Variants in LUZP2 observed in about 807,000 individuals in gnomAD.
LUZP2 encodes the protein leucine zipper protein 2.
Under a neutral mutation model 51.6 loss-of-function variants are expected in LUZP2, and 52 were observed. The ratio of observed to expected loss-of-function variants is 1.01; its 90% CI spans 0.81 to 1.27. The LOEUF (loss-of-function observed/expected upper bound fraction) is 1.27. Ranked by LOEUF, LUZP2 falls within the 50% of genes most tolerant of loss-of-function variation. The probability of loss-of-function intolerance (pLI) is 0.00; values close to 1 mark genes in which losing one functional copy is unlikely to be tolerated. For synonymous variants in LUZP2, 154 were observed against 137.3 expected (o/e 1.12, Z -0.85); for missense variants, 436 against 395.4 (o/e 1.10, Z -0.87).
chr11:24,818,368 C>T (rs1376699405), intron 5 of LUZP2, among the ~76,000 whole-genome samples: 1 of 152,002 alleles, frequency 6.6e-6, no homozygotes, highest in African/African-American at 2.4e-5. Flanking sequence ...TATTTTGTTT[C>T]TGTACCATAG....
At chr11:24,990,032 A>G (rs1003578337) in intron 9 of LUZP2, among the ~76,000 whole-genome samples, 3 of 152,074 alleles carry the variant, frequency 2.0e-5, no homozygotes, top group African/African-American at 7.2e-5. Flanking sequence ...ATATTGCCAC[A>G]TATTCTCTGA....
chr11:24,653,583 C>T (rs1158015950), intron 1 of LUZP2, among the ~76,000 whole-genome samples: 1 of 152,038 alleles, frequency 6.6e-6, no homozygotes, highest in Non-Finnish European at 1.5e-5. Flanking sequence ...GCATTTATAG[C>T]CCATGAGATT....
intron 5 of LUZP2, among the ~76,000 whole-genome samples, chr11:24,778,357 G>A (rs2716541): frequency 0.8 from 122,173 of 152,122 alleles, 49,167 homozygotes; most frequent in East Asian, 0.86. Flanking sequence ...TGAGACCACA[G>A]TGAGTTGTGG....
chr11:25,043,124 C>T (rs547062104), intron 9 of LUZP2, among the ~76,000 whole-genome samples: 6 of 152,166 alleles, frequency 3.9e-5, no homozygotes, highest in South Asian at 2.1e-4. Context: ...CCTCGATTTG[C>T]GATTTCTAGC....
At chr11:24,513,467 A>T (rs989690830) in intron 1 of LUZP2, among the ~76,000 whole-genome samples, 2 of 152,176 alleles carry the variant, frequency 1.3e-5, no homozygotes, top group Non-Finnish European at 2.9e-5. Context: ...GTCTTAAACT[A>T]TTTTCAGATA....
chr11:24,904,666 G>T (rs559085731), intron 5 of LUZP2, among the ~76,000 whole-genome samples: 1 of 152,196 alleles, frequency 6.6e-6, no homozygotes. Context: ...AGTAACCTTT[G>T]TCAGCTGAGT....
At chr11:24,733,931 T>C (rs1204919694) in intron 3 of LUZP2, among the ~76,000 whole-genome samples, 1 of 151,484 alleles carries the variant, frequency 6.6e-6, no homozygotes, top group Non-Finnish European at 1.5e-5. Context: ...TTTGAGAAGA[T>C]TAGAAAATAA....
At chr11:24,622,296 A>G (rs1414388941) in intron 1 of LUZP2, among the ~76,000 whole-genome samples, 1 of 149,258 alleles carries the variant, frequency 6.7e-6, no homozygotes, top group Non-Finnish European at 1.5e-5. Flanking sequence ...TCCCCACAAC[A>G]GGCCCCAGTG....
At chr11:24,612,342 G>C (rs1403499859) in intron 1 of LUZP2, among the ~76,000 whole-genome samples, 1 of 152,084 alleles carries the variant, frequency 6.6e-6, no homozygotes, top group Non-Finnish European at 1.5e-5. Context: ...ATTTGTGGTA[G>C]AGGAATAAAA....
intron 5 of LUZP2, among the ~76,000 whole-genome samples, chr11:24,869,668 T>C (rs1244108640): frequency 6.6e-6 from 1 of 152,100 alleles, no homozygotes; most frequent in Admixed American, 6.6e-5. Context: ...ATTGTAAATG[T>C]TTTGGGGAGC....
chr11:24,757,006 A>G (rs981174187), intron 4 of LUZP2, among the ~76,000 whole-genome samples: 1 of 152,208 alleles, frequency 6.6e-6, no homozygotes, highest in Non-Finnish European at 1.5e-5. Flanking sequence ...TAAAAAGTAT[A>G]CGAAGAGATA....
chr11:24,772,486 A>G (rs1848773533), intron 5 of LUZP2, among the ~76,000 whole-genome samples: 1 of 152,182 alleles, frequency 6.6e-6, no homozygotes, highest in Non-Finnish European at 1.5e-5. Context: ...TAAGATATTT[A>G]ATTATAACTT....
intron 9 of LUZP2, among the ~76,000 whole-genome samples, chr11:25,014,768 G>C (rs1249359514): frequency 1.2e-4 from 18 of 152,094 alleles, no homozygotes; most frequent in East Asian, 1.9e-4. Context: ...GATCCCATTT[G>C]TCAATTTTGG....
intron 7 of LUZP2, among the ~76,000 whole-genome samples, chr11:24,934,265 G>C (rs1031482535): frequency 6.6e-6 from 1 of 152,256 alleles, no homozygotes; most frequent in Non-Finnish European, 1.5e-5. Flanking sequence ...GCTTGGGCTC[G>C]GAGGCCTGAC....
chr11:24,759,339 T>A (rs867363927), intron 4 of LUZP2, among the ~76,000 whole-genome samples: 23 of 152,308 alleles, frequency 1.5e-4, no homozygotes, highest in Middle Eastern at 3.4e-3. Flanking sequence ...TGTATAACTA[T>A]CAATAGGAAT....
intron 5 of LUZP2, among the ~76,000 whole-genome samples, chr11:24,800,751 C>T (rs1186636951): frequency 1.3e-5 from 2 of 151,710 alleles, no homozygotes; most frequent in Admixed American, 1.3e-4. Context: ...TTACTATAAG[C>T]CCCAGGTTGA....
At chr11:25,052,534 G>A (rs1285281934) in intron 10 of LUZP2, among the ~76,000 whole-genome samples, 1 of 152,152 alleles carries the variant, frequency 6.6e-6, no homozygotes, top group African/African-American at 2.4e-5. Context: ...GTCAGATTCT[G>A]AGCAATTCAT....
intron 1 of LUZP2, among the ~76,000 whole-genome samples, chr11:24,643,940 C>A (rs925379013): frequency 6.6e-6 from 1 of 152,078 alleles, no homozygotes; most frequent in Admixed American, 6.6e-5. Context: ...GATGTTGATA[C>A]AACTGATGCC....
chr11:24,736,822 CT>C (rs2133980643), intron 3 of LUZP2, among the ~76,000 whole-genome samples: 1 of 152,110 alleles, frequency 6.6e-6, no homozygotes, highest in African/African-American at 2.4e-5. Context: ...GAAGCTGTCA[CT>C]CAGAATCCAC....
Sources: gnomAD v4.1 joint callset for allele counts (sites outside exome capture counted in the v4.1 genomes callset) on GRCh38, gnomAD v4.1.1 for gene constraint, MANE v1.5 for transcripts, NCBI Gene and HGNC (gene_info 2026-07-23, HGNC 2026-07-21) for gene names.